The following RNASE3 variants were observed in gnomAD, a reference collection of about 807,000 sequenced individuals.
RNASE3 encodes ribonuclease A family member 3, also known as eosinophil cationic protein.
For synonymous variants in RNASE3, 66 were observed against 72.0 expected (o/e 0.92, Z 0.42); for missense variants, 192 against 205.3 (o/e 0.94, Z 0.40).
intron 1 of RNASE3, 114 bp downstream of exon 1, chr14:20,891,565 A>T (rs1411227025): frequency 5.9e-5 from 82 of 1,384,628 alleles, no homozygotes; most frequent in Non-Finnish European, 7.8e-5. Flanking sequence ...GGGGACAGGA[A>T]GAAAAGGAAA....
rs1430787513 is a variant in RNASE3, at chr14:20,892,312, C to T, written c.*143C>T. The T allele has an allele frequency of 8.8e-7, 1 of 1,133,128 alleles. No individual in the cohort carries two copies. Among genetic ancestry groups the T allele is most frequent in the Non-Finnish European group, 1.3e-6 (1 of 789,290 alleles). The allele number at this position is 1,133,128 out of a possible 1,614,324, so 70.2% of individuals were successfully genotyped here. On this transcript the variant is annotated 3_prime_UTR_variant, in exon 2 of 2. Coordinates refer to ENST00000304639, the MANE Select transcript of RNASE3 (RefSeq NM_002935.3). ...CCTTCAGCTTTCCTGAGCTGAAGTC[C>T]CTTGTGAACCCTGCAATAAACTGCT...
Position 20,891,953 on chromosome 14 carries a change from C to T in RNASE3, c.267C>T (p.Cys89=). The T allele has an allele frequency of 1.2e-6, 2 of 1,612,986 alleles. No homozygotes were observed. Among genetic ancestry groups the T allele is most frequent in the Non-Finnish European group, 1.7e-6 (2 of 1,180,008 alleles). ...VNVCGNQSIR[C]PHNRTLNNCH... is the part of the protein sequence containing the mutation. The stretch of plus-strand genomic sequence containing the variant: ...TTTGTGGTAACCAAAGTATACGCTG[C>T]CCTCATAACAGAACTCTCAACAATT... The change falls in exon 2 of 2, where the codon TGC becomes TGT. Residue 89 remains cysteine (C), a synonymous_variant. Coordinates refer to ENST00000304639, the MANE Select transcript of RNASE3 (RefSeq NM_002935.3).
rs1877585631 is a variant in RNASE3 at position 20,892,256 on chromosome 14, A to G, written c.*87A>G. The G allele has an allele frequency of 2.0e-6, 3 of 1,520,644 alleles. No individual in the cohort carries two copies. Among genetic ancestry groups the G allele is most frequent in the Admixed American group, 2.1e-5 (1 of 48,522 alleles). The allele number at this position is 1,520,644 out of a possible 1,614,324, so 94.2% of individuals were successfully genotyped here. ...TCCCATCCCTCCATGTACTCTGGGTATCAGCAACTGTCCTCATCAGTCTCC... is the reference window on the plus strand; with the variant it reads ...TCCCATCCCTCCATGTACTCTGGGTGTCAGCAACTGTCCTCATCAGTCTCC... On this transcript the variant is annotated 3_prime_UTR_variant, in exon 2 of 2. Coordinates refer to ENST00000304639, the MANE Select transcript of RNASE3 (RefSeq NM_002935.3).
At position 20,891,835 on chromosome 14, in the gene RNASE3, G is replaced by T. The variant is rs140556531; in HGVS notation, c.149G>T (p.Cys50Phe). ...CACATCAGTCTGAACCCCCCTCGAT[G>T]CACCATTGCAATGCGGGCAATTAAC... Reference protein sequence around the residue: ...IQHISLNPPRCTIAMRAINNY... With the variant: ...IQHISLNPPRFTIAMRAINNY... The change falls in exon 2 of 2, where the codon TGC becomes TTC. Residue 50 changes from cysteine to phenylalanine, a missense_variant. By Grantham distance (205) the Cys-to-Phe change is radical. Coordinates refer to ENST00000304639, the MANE Select transcript of RNASE3 (RefSeq NM_002935.3). The T allele has an allele frequency of 6.2e-7, 1 of 1,612,814 alleles. No individual in the cohort carries two copies. Among genetic ancestry groups the T allele is most frequent in the African/African-American group, 1.4e-5 (1 of 73,732 alleles).
intron 1 of RNASE3, 111 bp downstream of exon 1, chr14:20,891,562 G>T (rs1309262011): frequency 9.6e-6 from 13 of 1,354,652 alleles, no homozygotes; most frequent in Non-Finnish European, 1.2e-5. Flanking sequence ...TTTGGGGACA[G>T]GAAGAAAAGG....
chr14:20,891,629 T>C (rs1877558600), intron 1 of RNASE3, 53 bp from the exon 2 acceptor site: 2 of 1,556,982 alleles, frequency 1.3e-6, no homozygotes, highest in Admixed American at 1.9e-5. Context: ...CTATAGAGTG[T>C]GTCATAACCG....
intron 1 of RNASE3, 76 bp from the exon 2 acceptor site, chr14:20,891,606 G>A: frequency 6.6e-7 from 1 of 1,518,928 alleles, no homozygotes; most frequent in Non-Finnish European, 8.8e-7. Context: ...AGAGGGGCCT[G>A]TGGGTTGAGA....
At position 20,891,900 on chromosome 14, in the gene RNASE3, C is replaced by T. The variant is rs151169198; in HGVS notation, c.214C>T (p.Arg72Cys). Residue 72 changes from arginine (R) to cysteine (C), a missense_variant, in exon 2 of 2, where the codon CGT (arginine) becomes TGT (cysteine). Physicochemically the swap from Arg to Cys is radical, Grantham distance 180. Transcript: ENST00000304639. ...WRCKNQNTFL[R>C]TTFANVVNVC... ...TTGCAAAAACCAAAATACTTTTCTT[C>T]GTACAACTTTTGCTAATGTAGTTAA... 6.1e-3 allele frequency: 9,818 copies of T among 1,612,940 alleles called. 54 individuals are homozygous for T. The highest frequency in any genetic ancestry group is 7.7e-3 in the Non-Finnish European group (9,029 of 1,180,014).
Position 20,891,657 on chromosome 14 carries a change from A to G in RNASE3, c.-5-25A>G, listed in dbSNP as rs188802084. The G allele has an allele frequency of 3.6e-5, 58 of 1,593,908 alleles. 4 individuals carry two copies. The African/African-American group carries it at 6.7e-4, about 19-fold the overall frequency. ...CATAACCGAGACCGGATCGGGGAGT[A>G]GTTACTTCTCTTCTTTTCTTACAGG... On this transcript the variant is annotated intron_variant, in intron 1 of 1. Coordinates refer to ENST00000304639, the MANE Select transcript of RNASE3 (RefSeq NM_002935.3).
rs770920342 is a variant in RNASE3, at chr14:20,892,171, C to T, written c.*2C>T. 84 of 1,605,316 alleles carry T rather than the reference C, an allele frequency of 5.2e-5. No homozygotes were observed. Among genetic ancestry groups the T allele is most frequent in the Non-Finnish European group, 6.7e-5 (79 of 1,176,494 alleles). ...GTTCACCTGGATACCACCATCTAAG[C>T]TCCTGTATCAGCAGTCCTCATCATC... On this transcript the variant is annotated 3_prime_UTR_variant, in exon 2 of 2. Transcript: ENST00000304639.
chr14:20,891,640 A>G, intron 1 of RNASE3, 42 bp from the exon 2 acceptor site: 1 of 1,572,402 alleles, frequency 6.4e-7, no homozygotes, highest in Non-Finnish European at 8.6e-7. Flanking sequence ...GTCATAACCG[A>G]GACCGGATCG....
rs754882987 is a variant in RNASE3 at position 20,892,128 on chromosome 14, C to T, written c.442C>T (p.Arg148Trp). The change falls in exon 2 of 2, where the codon CGG (arginine) becomes TGG (tryptophan). Residue 148 changes from arginine (R) to tryptophan (W), a missense_variant. Physicochemically the swap from Arg to Trp is moderately radical, Grantham distance 101. Coordinates refer to ENST00000304639, the MANE Select transcript of RNASE3 (RefSeq NM_002935.3). ...CDNRDPRDSP[R>W]YPVVPVHLDT... ...CAACAGAGATCCACGGGATTCTCCA[C>T]GGTATCCTGTGGTTCCAGTTCACCT... The T allele has an allele frequency of 8.1e-6, 13 of 1,612,146 alleles. No homozygotes were observed. Among genetic ancestry groups the T allele is most frequent in the Middle Eastern group, 1.6e-4 (1 of 6,080 alleles).
chr14:20,892,263 A>T lies in RNASE3; in HGVS notation c.*94A>T, dbSNP rs8019343. ...CCTCCATGTACTCTGGGTATCAGCA[A>T]CTGTCCTCATCAGTCTCCATACCCC... is the stretch of plus-strand genomic sequence containing the variant. On this transcript the variant is annotated 3_prime_UTR_variant, in exon 2 of 2. Transcript: ENST00000304639. 12,690 of 1,508,100 alleles carry T rather than the reference A, an allele frequency of 8.4e-3. 1,271 individuals are homozygous for T. The African/African-American group carries it at 0.14, about 17-fold the overall frequency. The allele number at this position is 1,508,100 out of a possible 1,614,324, so 93.4% of individuals were successfully genotyped here. A position where few individuals can be genotyped will look rare whatever the true frequency, so the allele number is the denominator to read the frequency against.
Position 20,892,198 on chromosome 14 carries a change from C to G in RNASE3, c.*29C>G. The G allele has an allele frequency of 1.3e-6, 2 of 1,584,432 alleles. No homozygotes were observed. Among genetic ancestry groups the G allele is most frequent in the Admixed American group, 1.8e-5 (1 of 56,906 alleles). On this transcript the variant is annotated 3_prime_UTR_variant, in exon 2 of 2. Coordinates refer to ENST00000304639, the MANE Select transcript of RNASE3 (RefSeq NM_002935.3). ...CCTGTATCAGCAGTCCTCATCATCA[C>G]TCATCTGCCAAGCTCCTCAATCATA...
intron 1 of RNASE3, 27 bp from the exon 2 acceptor site, chr14:20,891,655 G>A (rs1277065373): frequency 6.3e-7 from 1 of 1,591,334 alleles, no homozygotes; most frequent in Non-Finnish European, 8.5e-7. Flanking sequence ...GGATCGGGGA[G>A]TAGTTACTTC....
chr14:20,892,134 CCT>C lies in RNASE3; in HGVS notation c.449_450del (p.Pro150ArgfsTer?), dbSNP rs1027785844. 6.2e-7 allele frequency: 1 copy of C among 1,612,096 alleles called. No individual in the cohort carries two copies. The highest frequency in any genetic ancestry group is 8.5e-7 in the Non-Finnish European group (1 of 1,179,770). ...AGATCCACGGGATTCTCCACGGTATCCTGTGGTTCCAGTTCACCTGGATACCA... is the reference window on the plus strand; with the variant it reads ...AGATCCACGGGATTCTCCACGGTATCGTGGTTCCAGTTCACCTGGATACCA... ...NRDPRDSPRYPVVPVHLDTTI is the reference protein window; with the variant it reads ...NRDPRDSPRYXVVPVHLDTTI On this transcript the variant is annotated frameshift_variant, in exon 2 of 2. Transcript: ENST00000304639. LOFTEE classifies it high-confidence loss of function.
rs778500694 is a variant in RNASE3 at position 20,891,974 on chromosome 14, C to T, written c.288C>T (p.Asn96=). Residue 96 remains asparagine (N), a synonymous_variant, in exon 2 of 2, where the codon AAC becomes AAT. Coordinates refer to ENST00000304639, the MANE Select transcript of RNASE3 (RefSeq NM_002935.3). ...SIRCPHNRTL[N]NCHRSRFRVP... ...GCTGCCCTCATAACAGAACTCTCAA[C>T]AATTGTCATCGGAGTAGATTCCGGG... 2.5e-6 allele frequency: 4 copies of T among 1,613,042 alleles called. No individual in the cohort carries two copies. In the South Asian group the frequency reaches 4.4e-5, roughly 18 times the overall value.
chr14:20,892,010 C>G lies in RNASE3; in HGVS notation c.324C>G (p.Leu108=), dbSNP rs1206424889. The G allele has an allele frequency of 1.2e-6, 2 of 1,612,880 alleles. No individual in the cohort carries two copies. Among genetic ancestry groups the G allele is most frequent in the South Asian group, 2.2e-5 (2 of 91,060 alleles). ...GGAGTAGATTCCGGGTGCCTTTACTCCACTGTGACCTCATAAATCCAGGTG... is the reference window on the plus strand; with the variant it reads ...GGAGTAGATTCCGGGTGCCTTTACTGCACTGTGACCTCATAAATCCAGGTG... ...CHRSRFRVPL[L]HCDLINPGAQ... Residue 108 remains leucine, a synonymous_variant, in exon 2 of 2, where the codon CTC becomes CTG. Coordinates refer to ENST00000304639, the MANE Select transcript of RNASE3 (RefSeq NM_002935.3).
At chr14:20,891,517 T>G (rs1594303564) in intron 1 of RNASE3, 66 bp downstream of exon 1, 8 of 871,278 alleles carry the variant, frequency 9.2e-6, no homozygotes, top group East Asian at 2.5e-5. Context: ...GAGGGAGAGG[T>G]GAGCTGAAGT....
Sources: gnomAD v4.1 joint callset for allele counts on GRCh38, gnomAD v4.1.1 for gene constraint, MANE v1.5 for transcripts, NCBI Gene and HGNC (gene_info 2026-07-23, HGNC 2026-07-21) for gene names.